CWC27: variants seen among roughly 807,000 people sequenced by gnomAD.
CWC27 encodes the protein spliceosome-associated protein CWC27 homolog.
In CWC27, 47 loss-of-function variants were observed where a neutral mutation model predicts 63.6. The ratio of observed to expected loss-of-function variants is 0.74; its 90% CI spans 0.58 to 0.94. The LOEUF is 0.94. CWC27 is among the 40% of genes least tolerant of loss of function. The pLI is 0.00. For missense variants in CWC27, 495 were observed against 554.3 expected (o/e 0.89, Z 1.07); for synonymous variants, 175 against 179.8 (o/e 0.97, Z 0.22).
intron 1 of CWC27, 46 bp from the exon 2 acceptor site, chr5:64,774,645 A>G (rs746366494): frequency 8.5e-7 from 1 of 1,182,010 alleles, no homozygotes; most frequent in Admixed American, 2.4e-5. Flanking sequence ...TCAACTGATT[A>G]TTAAGCAAAA....
At chr5:64,965,637 A>G (rs1340178114) in intron 11 of CWC27, among the ~76,000 whole-genome samples, 1 of 152,172 alleles carries the variant, frequency 6.6e-6, no homozygotes, top group Non-Finnish European at 1.5e-5. Context: ...AAGCCATAAA[A>G]TTTTACCCAA....
At chr5:64,980,218 G>T (rs1182569749) in intron 13 of CWC27, among the ~76,000 whole-genome samples, 1 of 152,128 alleles carries the variant, frequency 6.6e-6, no homozygotes, top group East Asian at 1.9e-4. Context: ...AGTTTAGCAG[G>T]TAGAGTGGTC....
chr5:64,859,042 A>C (rs1162436148), intron 10 of CWC27, among the ~76,000 whole-genome samples: 1 of 152,222 alleles, frequency 6.6e-6, no homozygotes, highest in East Asian at 1.9e-4. Context: ...ATGTTTATGG[A>C]ATGTATTGGA....
intron 13 of CWC27, among the ~76,000 whole-genome samples, chr5:65,000,632 C>T (rs77030157): frequency 1.2e-3 from 179 of 152,132 alleles, no homozygotes; most frequent in Non-Finnish European, 2.1e-3. Context: ...AGTCAGTTGG[C>T]TGTACATATG....
intron 9 of CWC27, among the ~76,000 whole-genome samples, chr5:64,803,737 A>G (rs187955465): frequency 2.6e-5 from 4 of 152,282 alleles, no homozygotes; most frequent in East Asian, 1.9e-4. Flanking sequence ...TTTAGATTGC[A>G]TAGGGCCTTG....
chr5:65,000,883 G>C (rs958188845), intron 13 of CWC27, among the ~76,000 whole-genome samples: 17 of 151,994 alleles, frequency 1.1e-4, no homozygotes, highest in African/African-American at 4.1e-4. Context: ...TATTTTAATA[G>C]GGATTGCATT....
At chr5:64,813,295 G>T (rs1744939234) in intron 10 of CWC27, among the ~76,000 whole-genome samples, 1 of 151,964 alleles carries the variant, frequency 6.6e-6, no homozygotes, top group East Asian at 1.9e-4. Flanking sequence ...ACTGTTTCTT[G>T]GGCCACTTGA....
intron 2 of CWC27, among the ~76,000 whole-genome samples, chr5:64,779,188 A>G (rs1743567489): frequency 1.3e-5 from 2 of 152,176 alleles, no homozygotes. Flanking sequence ...TAATAAAGAC[A>G]TTTATCCTCC....
At chr5:64,927,926 A>G (rs553174464) in intron 11 of CWC27, among the ~76,000 whole-genome samples, 4 of 152,110 alleles carry the variant, frequency 2.6e-5, no homozygotes, top group African/African-American at 4.8e-5. Context: ...AGGCGGAGGC[A>G]GGTGGATCAC....
At position 65,018,351 on chromosome 5, in the gene CWC27, G is replaced by A. The variant is rs1449614205; in HGVS notation, c.*30G>A. ...AGAATAATGATAACCAGAACTTGCT[G>A]GAAATGTGCCTACAATGGCCTTGTA... On this transcript the variant is annotated 3_prime_UTR_variant, in exon 14 of 14. Transcript: ENST00000381070. 1 of 1,558,636 alleles carries A rather than the reference G, an allele frequency of 6.4e-7. No individual in the cohort carries two copies. Among genetic ancestry groups the A allele is most frequent in the Non-Finnish European group, 8.7e-7 (1 of 1,155,676 alleles).
At chr5:65,009,044 T>A (rs1308135804) in intron 13 of CWC27, among the ~76,000 whole-genome samples, 3 of 152,086 alleles carry the variant, frequency 2.0e-5, no homozygotes, top group African/African-American at 7.2e-5. Context: ...CTCTGCAGGC[T>A]ATACAAGAAG....
intron 11 of CWC27, among the ~76,000 whole-genome samples, chr5:64,925,632 C>T (rs146613368): frequency 1.3e-3 from 192 of 152,196 alleles, no homozygotes; most frequent in African/African-American, 4.5e-3. Flanking sequence ...ACTAGAGTCA[C>T]GTGGAATTAG....
intron 10 of CWC27, among the ~76,000 whole-genome samples, chr5:64,827,232 A>C (rs763183456): frequency 8.5e-5 from 13 of 152,182 alleles, no homozygotes; most frequent in Non-Finnish European, 1.9e-4. Context: ...AATCTGTTTA[A>C]GTTTCAATGA....
chr5:64,960,558 C>T (rs930990562), intron 11 of CWC27, among the ~76,000 whole-genome samples: 23 of 151,846 alleles, frequency 1.5e-4, no homozygotes, highest in African/African-American at 5.6e-4. Context: ...TACAAATTGA[C>T]TTTGTATTTT....
chr5:64,887,314 T>A (rs1485583313), intron 11 of CWC27, among the ~76,000 whole-genome samples: 2 of 152,210 alleles, frequency 1.3e-5, no homozygotes, highest in African/African-American at 4.8e-5. Context: ...GATTTCTTAA[T>A]GCAAAAGAGA....
chr5:65,008,190 C>G (rs1400149401), intron 13 of CWC27, among the ~76,000 whole-genome samples: 1 of 152,100 alleles, frequency 6.6e-6, no homozygotes, highest in Non-Finnish European at 1.5e-5. Context: ...AACAAGTGTA[C>G]CATACTAATG....
At chr5:64,992,976 C>T (rs1749564950) in intron 13 of CWC27, among the ~76,000 whole-genome samples, 1 of 152,138 alleles carries the variant, frequency 6.6e-6, no homozygotes, top group South Asian at 2.1e-4. Context: ...TGAATTATTA[C>T]CTAATTATAC....
At chr5:64,909,128 C>A (rs1747729467) in intron 11 of CWC27, among the ~76,000 whole-genome samples, 1 of 152,142 alleles carries the variant, frequency 6.6e-6, no homozygotes, top group South Asian at 2.1e-4. Context: ...GATTTTATTT[C>A]TCCTTCACTT....
At chr5:64,980,711 T>C (rs1191735131) in intron 13 of CWC27, among the ~76,000 whole-genome samples, 2 of 152,194 alleles carry the variant, frequency 1.3e-5, no homozygotes, top group South Asian at 4.1e-4. Flanking sequence ...GTACATACGG[T>C]ATTTAGTATT....
Sources: allele counts gnomAD v4.1 joint callset (sites outside exome capture counted in the v4.1 genomes callset), GRCh38; gene constraint gnomAD v4.1.1; transcripts MANE v1.5; gene names NCBI Gene and HGNC (gene_info 2026-07-23, HGNC 2026-07-21).